Variants in TBC1D2 observed in about 807,000 individuals in gnomAD.
The protein encoded by TBC1D2 is TBC1 domain family member 2A.
In TBC1D2, 58 loss-of-function variants were observed where a neutral mutation model predicts 91.1. That is an observed-to-expected ratio of 0.64 (90% CI 0.52 to 0.79). The LOEUF is 0.79. TBC1D2 is among the 30% of genes least tolerant of loss of function. The probability of loss-of-function intolerance (pLI) is 0.00; values close to 1 mark genes in which losing one functional copy is unlikely to be tolerated. For missense variants in TBC1D2, 1,080 were observed against 1,208.3 expected (o/e 0.89, Z 1.57); for synonymous variants, 482 against 511.5 (o/e 0.94, Z 0.78).
At chr9:98,210,509 G>A (rs1426051477) in intron 8 of TBC1D2, 147 bp downstream of exon 8, 8 of 784,114 alleles carry the variant, frequency 1.0e-5, no homozygotes, top group Non-Finnish European at 1.5e-5. Context: ...AACCATCTCA[G>A]CTGCAGCCGC....
At chr9:98,231,401 T>C (rs1189528063) in intron 4 of TBC1D2, among the ~76,000 whole-genome samples, 1 of 150,092 alleles carries the variant, frequency 6.7e-6, no homozygotes, top group Non-Finnish European at 1.5e-5. Flanking sequence ...TTTATTGACA[T>C]AAAAATAATC....
At position 98,249,460 on chromosome 9, in the gene TBC1D2, A is replaced by G. The variant is rs866252611; in HGVS notation, c.511+2325T>C. ...CCGTTCTTCCACAATCTGCTTCTTC[A>G]AATTTCAGTTAAGACACAGGAATTC... On this transcript the variant is annotated intron_variant, in intron 2 of 12. Coordinates refer to ENST00000465784, the MANE Select transcript of TBC1D2 (RefSeq NM_001267571.2). 3.3e-5 allele frequency among the ~76,000 whole-genome samples: 5 copies of G among 152,146 alleles called. No individual in the cohort carries two copies. In the South Asian group the frequency reaches 1.0e-3, roughly 31 times the overall value.
chr9:98,213,112 GTCAGAAGGGCCTTCTCCTTCTCAGCC>G lies in TBC1D2; in HGVS notation c.1455_1480del (p.Ala486GlufsTer56). Reference sequence around the variant, plus strand: ...GAATAGGGCCCCACCCCGCACCTTCGTCAGAAGGGCCTTCTCCTTCTCAGCCACCTTTCTCCAGATCTTTGTGACCT... The same window carrying G: ...GAATAGGGCCCCACCCCGCACCTTCGACCTTTCTCCAGATCTTTGTGACCT... On this transcript the variant is annotated frameshift_variant, in exon 7 of 13. Coordinates refer to ENST00000465784, the MANE Select transcript of TBC1D2 (RefSeq NM_001267571.2). LOFTEE classifies it high-confidence loss of function. The G allele has an allele frequency of 6.2e-7, 1 of 1,614,106 alleles. No individual in the cohort carries two copies. Among genetic ancestry groups the G allele is most frequent in the South Asian group, 1.1e-5 (1 of 91,078 alleles).
At position 98,220,997 on chromosome 9, in the gene TBC1D2, C is replaced by T. The variant is rs750122130; in HGVS notation, c.1210G>A (p.Val404Met). The T allele has an allele frequency of 1.9e-6, 3 of 1,614,158 alleles. No homozygotes were observed. The highest frequency in any genetic ancestry group is 2.5e-6 in the Non-Finnish European group (3 of 1,180,022). Residue 404 changes from valine (V) to methionine (M), a missense_variant, in exon 6 of 13, where the codon GTG (valine) becomes ATG (methionine). Physicochemically the swap from Val to Met is conservative, Grantham distance 21. Transcript: ENST00000465784. ...TGGTTCTTGTCCATAAGCAGCTGCACGTGCTGCTGTAGCTCCTGCACCTGC... is the reference window on the plus strand; with the variant it reads ...TGGTTCTTGTCCATAAGCAGCTGCATGTGCTGCTGTAGCTCCTGCACCTGC... ...EQQVQELQQH[V>M]QLLMDKNHAK...
chr9:98,200,443 C>G, intron 11 of TBC1D2, 69 bp from the exon 12 acceptor site: 1 of 1,496,512 alleles, frequency 6.7e-7, no homozygotes, highest in African/African-American at 1.4e-5. Context: ...AGGGAGGGAA[C>G]CTGACAGACT....
intron 1 of TBC1D2, among the ~76,000 whole-genome samples, chr9:98,253,303 C>T (rs976643262): frequency 6.6e-6 from 1 of 152,156 alleles, no homozygotes; most frequent in Admixed American, 6.5e-5. Context: ...GTTACTCCAG[C>T]CACTCCTGAC....
rs1829944503 is a variant in TBC1D2 at position 98,255,086 on chromosome 9, T to C, written c.369+87A>G. On this transcript the variant is annotated intron_variant, in intron 1 of 12. Transcript: ENST00000465784. ...CGTCACCGACACTCCAAATTTACTG[T>C]GTCCACCTCACACTCGCGCCCAGCC... The C allele has an allele frequency of 2.7e-6, 4 of 1,503,776 alleles. No homozygotes were observed. The South Asian group carries it at 5.4e-5, about 20-fold the overall frequency. The allele number at this position is 1,503,776 out of a possible 1,614,324, so 93.2% of individuals were successfully genotyped here.
At chr9:98,249,020 C>T (rs1029768161) in intron 2 of TBC1D2, among the ~76,000 whole-genome samples, 1 of 152,176 alleles carries the variant, frequency 6.6e-6, no homozygotes, top group African/African-American at 2.4e-5. Flanking sequence ...AGGTTTTCAA[C>T]GACATGGGAG....
rs146186505 is a variant in TBC1D2 at position 98,228,572 on chromosome 9, G to A, written c.978+380C>T. Among the ~76,000 whole-genome samples the A allele has an allele frequency of 2.0e-5, 3 of 152,242 alleles. No homozygotes were observed. Among genetic ancestry groups the A allele is most frequent in the South Asian group, 2.1e-4 (1 of 4,830 alleles). ...TTCAGATATCTGTGCCCAGATATCG[G>A]CTGCCAGGTCAAAGTTCCCCCCAGT... On this transcript the variant is annotated intron_variant, in intron 5 of 12. Transcript: ENST00000465784. This position sits in a 1 kb window ranked among gnomAD's most constrained non-coding sequence, Gnocchi z 4.0.
chr9:98,209,025 A>G lies in TBC1D2; in HGVS notation c.1793T>C (p.Val598Ala), dbSNP rs1828739438. 6.2e-7 allele frequency: 1 copy of G among 1,614,164 alleles called. No individual in the cohort carries two copies. Among genetic ancestry groups the G allele is most frequent in the Non-Finnish European group, 8.5e-7 (1 of 1,180,028 alleles). ...RSHHLLGLEA[V>A]DRPLRERWAA... ...CCAGCGCTCCCTCAGCGGCCGATCC[A>G]CAGCCTCGAGGCCCAGCAGGTGGTG... Residue 598 changes from valine (V) to alanine (A), a missense_variant, in exon 9 of 13, where the codon GTG becomes GCG. Physicochemically the swap from Val to Ala is moderately conservative, Grantham distance 64 (BLOSUM62 0). Transcript: ENST00000465784.
At position 98,247,832 on chromosome 9, in the gene TBC1D2, A is replaced by T. The variant is rs980449743; in HGVS notation, c.512-3703T>A. Among the ~76,000 whole-genome samples the T allele has an allele frequency of 9.2e-5, 14 of 152,202 alleles. 1 individual carries two copies. The highest frequency in any genetic ancestry group is 7.8e-4 in the Admixed American group (12 of 15,292). Reference sequence around the variant, plus strand: ...TCTGAACTGATTCGAAAAAAATAAAATTTTTTTATTTATCAATATTTTAAC... The same window carrying T: ...TCTGAACTGATTCGAAAAAAATAAATTTTTTTTATTTATCAATATTTTAAC... On this transcript the variant is annotated intron_variant, in intron 2 of 12. Transcript: ENST00000465784.
In TBC1D2 at chr9:98,245,631, A is replaced by G. The variant is rs868837445; in HGVS notation, c.512-1502T>C. 2.0e-5 allele frequency among the ~76,000 whole-genome samples: 3 copies of G among 152,176 alleles called. No individual in the cohort carries two copies. In the South Asian group the frequency reaches 6.2e-4, roughly 32 times the overall value. ...TGTACAGAAAAAGTCTCAAAGAAAT[A>G]TACTCCGCAATCTTAACAGTGGTTT... On this transcript the variant is annotated intron_variant, in intron 2 of 12. Transcript: ENST00000465784.
At position 98,199,521 on chromosome 9, in the gene TBC1D2, T is replaced by C. The variant is rs1294114498; in HGVS notation, c.2647A>G (p.Met883Val). 2.0e-5 allele frequency: 32 copies of C among 1,614,034 alleles called. No individual in the cohort carries two copies. The highest frequency in any genetic ancestry group is 3.3e-5 in the Admixed American group (2 of 60,006). Residue 883 changes from methionine (M) to valine (V), a missense_variant, in exon 13 of 13, where the codon ATG (methionine) becomes GTG (valine). Transcript: ENST00000465784. ...FRMKQLRQLR[M>V]VHRERLEAEL... ...GCCTCCAGCCGCTCCCGGTGGACCA[T>C]GCGCAGCTGCCGCAGCTGTTTCATG... is the stretch of plus-strand genomic sequence containing the variant.
intron 5 of TBC1D2, among the ~76,000 whole-genome samples, chr9:98,225,199 A>C (rs1829201694): frequency 6.6e-6 from 1 of 152,182 alleles, no homozygotes; most frequent in Non-Finnish European, 1.5e-5. Context: ...ATCACCACAG[A>C]CAACAGCCTT....
At position 98,221,045 on chromosome 9, in the gene TBC1D2, G is replaced by A. The variant is rs746119900; in HGVS notation, c.1162C>T (p.His388Tyr). 10 of 1,613,254 alleles carry A rather than the reference G, an allele frequency of 6.2e-6. No homozygotes were observed. In the South Asian group the frequency reaches 1.1e-4, roughly 18 times the overall value. Residue 388 changes from histidine to tyrosine, a missense_variant, in exon 6 of 13, where the codon CAC (histidine) becomes TAC (tyrosine). By Grantham distance (83) the His-to-Tyr change is moderately conservative. Transcript: ENST00000465784. ...ALEQERESLA[H>Y]TASLREQQVQ... The stretch of plus-strand genomic sequence containing the variant: ...TGCTGCTCCCGCAGGCTCGCTGTGT[G>A]CGCCAGGCTCTCCCGCTCCTGCTCC...
chr9:98,249,969 A>T (rs1829837583), intron 2 of TBC1D2, among the ~76,000 whole-genome samples: 1 of 152,200 alleles, frequency 6.6e-6, no homozygotes, highest in South Asian at 2.1e-4. Flanking sequence ...AACCAAAAAA[A>T]AGTCCCCACC....
chr9:98,231,033 T>C (rs1055726078), intron 4 of TBC1D2, among the ~76,000 whole-genome samples: 17 of 152,298 alleles, frequency 1.1e-4, no homozygotes, highest in Admixed American at 9.8e-4. Flanking sequence ...TAATGGGGTA[T>C]AGGGGAGCAG....
chr9:98,250,235 G>C (rs1045984668), intron 2 of TBC1D2, among the ~76,000 whole-genome samples: 1 of 152,200 alleles, frequency 6.6e-6, no homozygotes, highest in Non-Finnish European at 1.5e-5. Flanking sequence ...TCAAGCCCAA[G>C]GTGGGGACTG....
At chr9:98,213,313 T>A in intron 6 of TBC1D2, 95 bp from the exon 7 acceptor site, 1 of 1,541,106 alleles carries the variant, frequency 6.5e-7, no homozygotes, top group Non-Finnish European at 8.8e-7. Context: ...AAGCTTCTTT[T>A]CCTTAGAAAT....
Sources: gnomAD v4.1 joint callset for allele counts (sites outside exome capture counted in the v4.1 genomes callset) on GRCh38, gnomAD v4.1.1 for gene constraint, Gnocchi (gnomAD v3.1) non-coding constraint, MANE v1.5 for transcripts, NCBI Gene and HGNC (gene_info 2026-07-23, HGNC 2026-07-21) for gene names.